The following FGGY variants were observed in gnomAD, a reference collection of about 807,000 sequenced individuals.
The protein encoded by FGGY is FGGY carbohydrate kinase domain-containing protein.
Under a neutral mutation model 71.3 loss-of-function variants are expected in FGGY, and 72 were observed. The ratio of observed to expected loss-of-function variants is 1.01; its 90% confidence interval spans 0.84 to 1.23. The LOEUF (loss-of-function observed/expected upper bound fraction) is 1.23. Ranked by LOEUF, FGGY falls within the 50% of genes most tolerant of loss-of-function variation. The pLI is 0.00. For missense variants in FGGY, 668 were observed against 682.3 expected (o/e 0.98, Z 0.23); for synonymous variants, 251 against 250.3 (o/e 1.00, Z -0.02).
intron 8 of FGGY, among the ~76,000 whole-genome samples, chr1:59,577,008 C>T (rs763485269): frequency 4.6e-5 from 7 of 152,078 alleles, no homozygotes; most frequent in East Asian, 1.9e-4. Flanking sequence ...GATGGATGAA[C>T]GATAGTTAAT....
At chr1:59,420,000 G>A (rs552367422) in intron 5 of FGGY, among the ~76,000 whole-genome samples, 1 of 152,306 alleles carries the variant, frequency 6.6e-6, no homozygotes, top group South Asian at 2.1e-4. Flanking sequence ...ATGAGATAAT[G>A]TGTAGTGATT....
chr1:59,696,950 A>G (rs1035536119), intron 14 of FGGY, among the ~76,000 whole-genome samples: 4 of 151,788 alleles, frequency 2.6e-5, no homozygotes, highest in African/African-American at 9.7e-5. Context: ...TCAAACCAGG[A>G]CAAGCATCCA....
chr1:59,382,870 G>A (rs1263113604), intron 5 of FGGY, among the ~76,000 whole-genome samples: 1 of 152,130 alleles, frequency 6.6e-6, no homozygotes, highest in Non-Finnish European at 1.5e-5. Flanking sequence ...GATTCTTTCT[G>A]ATGGCTCTGG....
chr1:59,433,504 CG>C (rs2067806142), intron 5 of FGGY, among the ~76,000 whole-genome samples: 1 of 152,182 alleles, frequency 6.6e-6, no homozygotes, highest in South Asian at 2.1e-4. Flanking sequence ...CAGGCCTTCA[CG>C]GGGAATACCA....
chr1:59,503,588 T>A (rs1393746836), intron 6 of FGGY, among the ~76,000 whole-genome samples: 1 of 130,220 alleles, frequency 7.7e-6, no homozygotes, highest in African/African-American at 2.9e-5. Flanking sequence ...GCTTTTGTGG[T>A]GTCGCCATAT....
chr1:59,648,762 C>T (rs2097126060), intron 11 of FGGY, among the ~76,000 whole-genome samples: 1 of 151,972 alleles, frequency 6.6e-6, no homozygotes, highest in South Asian at 2.1e-4. Flanking sequence ...AATTAGATCC[C>T]ATTTGTCAAT....
In FGGY at chr1:59,448,707, A is replaced by G. The variant is rs573510610; in HGVS notation, c.555-8254A>G. On this transcript the variant is annotated intron_variant, in intron 5 of 15. Transcript: ENST00000303721. ...AGTAGCATTGTGCTTATTCATCCAT[A>G]TAACTGGATGAAAAAGGCAGATATG... Among the ~76,000 whole-genome samples, 84 of 152,310 alleles carry G rather than the reference A, an allele frequency of 5.5e-4. 1 individual carries two copies. Among genetic ancestry groups the G allele is most frequent in the African/African-American group, 1.6e-3 (67 of 41,574 alleles).
intron 14 of FGGY, among the ~76,000 whole-genome samples, chr1:59,713,022 G>A (rs779806032): frequency 9.9e-5 from 15 of 152,066 alleles, no homozygotes; most frequent in Admixed American, 4.6e-4. Flanking sequence ...CACCCAAGTC[G>A]CCTCTTGAAT....
chr1:59,546,304 T>G (rs1355446710), intron 7 of FGGY, among the ~76,000 whole-genome samples: 1 of 151,830 alleles, frequency 6.6e-6, no homozygotes, highest in Non-Finnish European at 1.5e-5. Context: ...AGCAGTCGAG[T>G]TCCAGTGCCC....
At chr1:59,514,141 G>A (rs1433987468) in intron 7 of FGGY, among the ~76,000 whole-genome samples, 1 of 152,194 alleles carries the variant, frequency 6.6e-6, no homozygotes. Flanking sequence ...AGGCAGACAT[G>A]GAGTGTTTCT....
intron 9 of FGGY, among the ~76,000 whole-genome samples, chr1:59,609,799 G>T (rs1332030776): frequency 1.3e-5 from 2 of 152,192 alleles, no homozygotes; most frequent in Non-Finnish European, 2.9e-5. Flanking sequence ...AAGCATAGGT[G>T]GGTAGATGGA....
At chr1:59,721,145 C>G (rs1448055589) in intron 14 of FGGY, among the ~76,000 whole-genome samples, 2 of 152,120 alleles carry the variant, frequency 1.3e-5, no homozygotes, top group South Asian at 4.1e-4. Context: ...TTCTCTGTCC[C>G]CCTTGCCCTA....
intron 6 of FGGY, among the ~76,000 whole-genome samples, chr1:59,485,782 A>C (rs987750045): frequency 1.3e-5 from 2 of 152,194 alleles, no homozygotes; most frequent in Non-Finnish European, 2.9e-5. Context: ...TAGCTCACAT[A>C]ACTCATTCAA....
At position 59,423,196 on chromosome 1, in the gene FGGY, T is replaced by C. The variant is rs543328686; in HGVS notation, c.555-33765T>C. ...TTGTTTTTCTCTGTCCAATACTGGG[T>C]AAAGGTCCCACCGAAAGCCTTTGTC... On this transcript the variant is annotated intron_variant, in intron 5 of 15. Coordinates refer to ENST00000303721, the MANE Select transcript of FGGY (RefSeq NM_018291.5). Among the ~76,000 whole-genome samples, 22 of 152,330 alleles carry C rather than the reference T, an allele frequency of 1.4e-4. No individual in the cohort carries two copies. The East Asian group carries it at 4.0e-3, about 28-fold the overall frequency.
chr1:59,575,915 A>G (rs2096068010), intron 8 of FGGY, among the ~76,000 whole-genome samples: 1 of 152,166 alleles, frequency 6.6e-6, no homozygotes, highest in Non-Finnish European at 1.5e-5. Context: ...GTTAGGAAAA[A>G]AGTGGTCCAA....
intron 1 of FGGY, among the ~76,000 whole-genome samples, chr1:59,310,869 G>T (rs1007661520): frequency 6.6e-6 from 1 of 151,950 alleles, no homozygotes; most frequent in Non-Finnish European, 1.5e-5. Context: ...AGTTTTTTAG[G>T]GTCTTTTTAT....
chr1:59,527,233 T>G (rs2095014099), intron 7 of FGGY, among the ~76,000 whole-genome samples: 1 of 152,236 alleles, frequency 6.6e-6, no homozygotes, highest in Non-Finnish European at 1.5e-5. Context: ...AAAAGCTTAC[T>G]TAAGTGAAAT....
At chr1:59,704,497 T>C (rs898652805) in intron 14 of FGGY, among the ~76,000 whole-genome samples, 4 of 152,174 alleles carry the variant, frequency 2.6e-5, no homozygotes, top group Non-Finnish European at 5.9e-5. Context: ...TATACACATA[T>C]ATATCATATA....
chr1:59,631,686 G>A (rs1351506548), intron 10 of FGGY, among the ~76,000 whole-genome samples: 1 of 152,102 alleles, frequency 6.6e-6, no homozygotes, highest in Non-Finnish European at 1.5e-5. Flanking sequence ...TTGAAACTGT[G>A]GAAACAAGTG....
Sources: allele counts gnomAD v4.1 joint callset (sites outside exome capture counted in the v4.1 genomes callset), GRCh38; gene constraint gnomAD v4.1.1; transcripts MANE v1.5; gene names NCBI Gene and HGNC (gene_info 2026-07-23, HGNC 2026-07-21).